Variants in VGLL4 observed in about 807,000 individuals in gnomAD.
The protein encoded by VGLL4 is vestigial like family member 4.
In VGLL4, 7 loss-of-function variants were observed where a neutral mutation model predicts 21.0. The observed-to-expected ratio is 0.33, with a 90% CI of 0.19 to 0.63. The LOEUF is 0.63. VGLL4 is among the 20% of genes least tolerant of loss of function. The pLI is 0.78. For synonymous variants in VGLL4, 222 were observed against 173.2 expected (o/e 1.28, Z -2.21); for missense variants, 394 against 425.7 (o/e 0.93, Z 0.66).
rs1011285630 is a variant in VGLL4, at chr3:11,565,272, G to A, written c.273-253C>T. On this transcript the variant is annotated intron_variant, in intron 2 of 4. Coordinates refer to ENST00000430365, the MANE Select transcript of VGLL4 (RefSeq NM_001128219.3). The surrounding 1 kb of genome is among the most constrained non-coding windows in gnomAD (Gnocchi z 4.1). ...AAGATGGAGCCCCCGACTCAGTGGC[G>A]TCCTCTGCCTGACTCTGTGTTCACT... is the stretch of plus-strand genomic sequence containing the variant. Among the ~76,000 whole-genome samples, 3 of 152,054 alleles carry A rather than the reference G, an allele frequency of 2.0e-5. No individual in the cohort carries two copies. The highest frequency in any genetic ancestry group is 7.3e-5 in the African/African-American group (3 of 41,368).
In VGLL4 at chr3:11,564,959, G is replaced by A. The variant is rs141056077; in HGVS notation, c.333C>T (p.Ile111=). ...RDPRERSRSP[I]ERAVAPTMSL... ...TCATGGTGGGGGCCACAGCGCGCTC[G>A]ATGGGGCTGCGGCTCCGCTCCCGGG... The change falls in exon 3 of 5, where the codon ATC becomes ATT. Residue 111 remains isoleucine, a synonymous_variant. Coordinates refer to ENST00000430365, the MANE Select transcript of VGLL4 (RefSeq NM_001128219.3). 168 of 1,561,052 alleles carry A rather than the reference G, an allele frequency of 1.1e-4. 1 individual carries two copies. The African/African-American group carries it at 1.7e-3, about 16-fold the overall frequency.
chr3:11,704,342 C>A (rs2076726885), intron 1 of VGLL4, among the ~76,000 whole-genome samples: 1 of 139,982 alleles, frequency 7.1e-6, no homozygotes, highest in Non-Finnish European at 1.5e-5. Flanking sequence ...GAGATCGAGC[C>A]ATTGCACTCC....
chr3:11,703,837 T>TG (rs1288633475), intron 1 of VGLL4, among the ~76,000 whole-genome samples: 1 of 152,224 alleles, frequency 6.6e-6, no homozygotes, highest in African/African-American at 2.4e-5. Flanking sequence ...TACAGACACT[T>TG]GGAATTTATT....
chr3:11,661,224 C>A (rs2076032302), intron 2 of VGLL4, among the ~76,000 whole-genome samples: 1 of 152,082 alleles, frequency 6.6e-6, no homozygotes, highest in South Asian at 2.1e-4. Flanking sequence ...TCCTCCCAGT[C>A]ACAACCACTC....
At chr3:11,720,054 C>G (rs935148483) in intron 1 of VGLL4, among the ~76,000 whole-genome samples, 5 of 152,004 alleles carry the variant, frequency 3.3e-5, no homozygotes, top group Non-Finnish European at 7.4e-5. Flanking sequence ...GCTCCCCACG[C>G]GCGCACAGTA....
At chr3:11,595,105 G>A (rs1315858200) in intron 2 of VGLL4, among the ~76,000 whole-genome samples, 1 of 152,214 alleles carries the variant, frequency 6.6e-6, no homozygotes, top group Non-Finnish European at 1.5e-5. Context: ...AGGTTGTGGT[G>A]AGCCGAGATT....
chr3:11,566,608 T>C (rs1338159898), intron 2 of VGLL4, among the ~76,000 whole-genome samples: 1 of 152,192 alleles, frequency 6.6e-6, no homozygotes, highest in African/African-American at 2.4e-5. Context: ...AACCATCTAC[T>C]TGCCATTCCT....
chr3:11,625,963 T>G (rs2075344993), intron 1 of VGLL4, among the ~76,000 whole-genome samples: 2 of 152,196 alleles, frequency 1.3e-5, no homozygotes, highest in Non-Finnish European at 2.9e-5. Flanking sequence ...TAAACTTTGA[T>G]CCCAGTGATA....
chr3:11,685,926 C>T (rs573506390), intron 2 of VGLL4, among the ~76,000 whole-genome samples: 3 of 152,216 alleles, frequency 2.0e-5, no homozygotes, highest in East Asian at 1.9e-4. Context: ...AATAGCCAAC[C>T]GGCACATGCA....
chr3:11,570,976 T>G (rs183824681), intron 2 of VGLL4, among the ~76,000 whole-genome samples: 24 of 152,326 alleles, frequency 1.6e-4, no homozygotes, highest in African/African-American at 5.5e-4. Flanking sequence ...CACTCCTCTG[T>G]GCCAATTTTA....
chr3:11,710,995 G>A (rs887942674), intron 1 of VGLL4, among the ~76,000 whole-genome samples: 24 of 152,028 alleles, frequency 1.6e-4, no homozygotes, highest in Non-Finnish European at 1.3e-4. Flanking sequence ...AGCTACTCAG[G>A]AGGCTGAGGC....
At chr3:11,593,677 G>GGA (rs1218713287) in intron 2 of VGLL4, among the ~76,000 whole-genome samples, 3 of 152,150 alleles carry the variant, frequency 2.0e-5, no homozygotes, top group African/African-American at 7.2e-5. Flanking sequence ...AACAGGAACC[G>GGA]GAGAGCCCAA....
chr3:11,624,789 A>C (rs1201509192), intron 1 of VGLL4, among the ~76,000 whole-genome samples: 1 of 152,182 alleles, frequency 6.6e-6, no homozygotes, highest in Non-Finnish European at 1.5e-5. Context: ...GGGCAAGGAA[A>C]GAAACAAAAA....
chr3:11,599,769 C>T (rs112066105), intron 2 of VGLL4, among the ~76,000 whole-genome samples: 15,885 of 149,348 alleles, frequency 0.11, 1,114 homozygotes, highest in East Asian at 0.25. Context: ...ATCCACCCAC[C>T]TTGGCCTCCC....
chr3:11,574,785 A>ATGTATGTGTG (rs1553723624), intron 2 of VGLL4, among the ~76,000 whole-genome samples: 12 of 121,780 alleles, frequency 9.9e-5, no homozygotes, highest in Admixed American at 4.2e-4. Context: ...TCAACTATAT[A>ATGTATGTGTG]TGTGTGTGTG....
At chr3:11,686,758 C>T (rs147593568) in intron 2 of VGLL4, among the ~76,000 whole-genome samples, 6 of 152,174 alleles carry the variant, frequency 3.9e-5, no homozygotes, top group African/African-American at 7.2e-5. Flanking sequence ...CTATACCTCA[C>T]GTGTATACAT....
chr3:11,566,835 G>A (rs1004267207), intron 2 of VGLL4, among the ~76,000 whole-genome samples: 2 of 152,126 alleles, frequency 1.3e-5, no homozygotes, highest in African/African-American at 2.4e-5. Context: ...TGAGGGCGTC[G>A]AGTCCCTCCT....
chr3:11,698,433 C>T (rs956906231), intron 2 of VGLL4, among the ~76,000 whole-genome samples: 5 of 152,134 alleles, frequency 3.3e-5, no homozygotes, highest in Non-Finnish European at 7.4e-5. Flanking sequence ...CATTTGAACC[C>T]GGGAGGCAGA....
At chr3:11,670,193 C>T (rs775294221) in intron 2 of VGLL4, among the ~76,000 whole-genome samples, 12 of 151,622 alleles carry the variant, frequency 7.9e-5, no homozygotes, top group South Asian at 2.1e-4. Context: ...CCTTTTTCTA[C>T]GCCCCTCCCA....
Sources: gnomAD v4.1 joint callset for allele counts (sites outside exome capture counted in the v4.1 genomes callset) on GRCh38, gnomAD v4.1.1 for gene constraint, Gnocchi (gnomAD v3.1) non-coding constraint, MANE v1.5 for transcripts, NCBI Gene and HGNC (gene_info 2026-07-23, HGNC 2026-07-21) for gene names.